The following SRBD1 variants were observed in gnomAD, a reference collection of about 807,000 sequenced individuals.
SRBD1 encodes S1 RNA binding domain 1.
A neutral mutation model predicts 115.3 loss-of-function variants in SRBD1; 88 were observed. The observed-to-expected ratio is 0.76, with a 90% confidence interval of 0.64 to 0.91. The LOEUF is 0.91. SRBD1 is among the 40% of genes least tolerant of loss of function. SRBD1 has a pLI of 0.00. For missense variants in SRBD1, 1,385 were observed against 1,177.4 expected, an observed-to-expected ratio of 1.18 and a Z score of -2.58; for synonymous variants, 509 against 407.7, an observed-to-expected ratio of 1.25 and a Z score of -2.99.
chr2:45,446,281 C>A (rs1668821623), intron 16 of SRBD1, among the ~76,000 whole-genome samples: 1 of 152,164 alleles, frequency 6.6e-6, no homozygotes. Context: ...AGCTGAGGTG[C>A]TGAATCAGGT....
chr2:45,394,282 AATTG>A (rs1558549189), intron 19 of SRBD1, among the ~76,000 whole-genome samples: 2 of 152,248 alleles, frequency 1.3e-5, no homozygotes, highest in African/African-American at 2.4e-5. Context: ...AGAAAAAAAG[AATTG>A]AAGGGTTAAG....
chr2:45,475,076 T>C (rs1669766327), intron 16 of SRBD1, among the ~76,000 whole-genome samples: 1 of 152,194 alleles, frequency 6.6e-6, no homozygotes, highest in Admixed American at 6.5e-5. Context: ...CTACTTGACA[T>C]CTTTCCTTGG....
At chr2:45,589,945 T>C (rs1364602651) in intron 4 of SRBD1, among the ~76,000 whole-genome samples, 2 of 152,180 alleles carry the variant, frequency 1.3e-5, no homozygotes, top group African/African-American at 4.8e-5. Context: ...CAGAAGTGTA[T>C]ATACATTGTT....
At chr2:45,432,501 A>G (rs1668370957) in intron 16 of SRBD1, among the ~76,000 whole-genome samples, 1 of 152,172 alleles carries the variant, frequency 6.6e-6, no homozygotes, top group Non-Finnish European at 1.5e-5. Context: ...AAGTTGGGCT[A>G]TGTGTTGAAA....
At chr2:45,571,761 CA>C (rs1386924137) in intron 9 of SRBD1, among the ~76,000 whole-genome samples, 3 of 151,494 alleles carry the variant, frequency 2.0e-5, no homozygotes, top group African/African-American at 4.9e-5. Context: ...AAAAATGTGC[CA>C]GGGGTTCAAC....
At chr2:45,564,032 T>C (rs1672750476) in intron 9 of SRBD1, among the ~76,000 whole-genome samples, 1 of 152,136 alleles carries the variant, frequency 6.6e-6, no homozygotes, top group Admixed American at 6.5e-5. Context: ...AATATAGATG[T>C]AAAAATCCTC....
At chr2:45,581,550 G>A (rs182971057) in intron 6 of SRBD1, 143 bp downstream of exon 6, 2 of 604,030 alleles carry the variant, frequency 3.3e-6, no homozygotes, top group African/African-American at 3.8e-5. Flanking sequence ...AATATTTATT[G>A]AATAAAGAAT....
At chr2:45,546,612 G>A (rs1487265932) in intron 14 of SRBD1, 120 bp downstream of exon 14, 1 of 968,020 alleles carries the variant, frequency 1.0e-6, no homozygotes, top group African/African-American at 1.6e-5. Flanking sequence ...TGAACACCAA[G>A]AGGTGGTCTG....
At chr2:45,417,430 T>C (rs923711008) in intron 18 of SRBD1, among the ~76,000 whole-genome samples, 3 of 152,232 alleles carry the variant, frequency 2.0e-5, no homozygotes, top group African/African-American at 7.2e-5. Flanking sequence ...ATTTCAGACC[T>C]TATTCTGTGC....
intron 16 of SRBD1, among the ~76,000 whole-genome samples, chr2:45,454,640 G>A (rs1669098516): frequency 6.6e-6 from 1 of 151,704 alleles, no homozygotes; most frequent in Non-Finnish European, 1.5e-5. Context: ...CTGCTTGCAG[G>A]TAAAAAATAA....
intron 14 of SRBD1, among the ~76,000 whole-genome samples, chr2:45,542,955 T>A (rs149118713): frequency 1.3e-5 from 2 of 152,344 alleles, no homozygotes; most frequent in African/African-American, 4.8e-5. Flanking sequence ...GATTATACAC[T>A]GTATGATTTC....
chr2:45,580,161 T>C (rs1490567608), intron 6 of SRBD1, 148 bp from the exon 7 acceptor site: 2 of 637,994 alleles, frequency 3.1e-6, no homozygotes, highest in Non-Finnish European at 4.8e-6. Flanking sequence ...TTAAAACTAA[T>C]TTGAAAATGC....
intron 14 of SRBD1, among the ~76,000 whole-genome samples, chr2:45,539,237 G>A (rs1450990055): frequency 6.7e-6 from 1 of 149,958 alleles, no homozygotes; most frequent in Non-Finnish European, 1.5e-5. Context: ...AAATTTTTTT[G>A]CTAAAAAAAA....
chr2:45,450,143 G>A (rs1384713664), intron 16 of SRBD1, among the ~76,000 whole-genome samples: 1 of 152,162 alleles, frequency 6.6e-6, no homozygotes, highest in Non-Finnish European at 1.5e-5. Context: ...TCTCGTGAGA[G>A]TGTTATATGG....
intron 16 of SRBD1, among the ~76,000 whole-genome samples, chr2:45,452,743 C>G (rs1391735873): frequency 6.6e-6 from 1 of 151,862 alleles, no homozygotes; most frequent in Admixed American, 6.6e-5. Context: ...TTCTTGTGTT[C>G]AAACAGCTGT....
chr2:45,412,309 T>C (rs868748693), intron 19 of SRBD1, among the ~76,000 whole-genome samples: 13 of 152,128 alleles, frequency 8.5e-5, no homozygotes, highest in African/African-American at 2.9e-4. Context: ...CAGGAACTAG[T>C]TGGATGTTCA....
intron 15 of SRBD1, among the ~76,000 whole-genome samples, chr2:45,485,712 T>C (rs1220761711): frequency 6.6e-6 from 1 of 152,210 alleles, no homozygotes; most frequent in African/African-American, 2.4e-5. Flanking sequence ...AGTTCTGTTA[T>C]ATTCTTATAC....
intron 18 of SRBD1, among the ~76,000 whole-genome samples, chr2:45,417,268 A>G (rs1401684699): frequency 6.6e-6 from 1 of 152,140 alleles, no homozygotes; most frequent in Non-Finnish European, 1.5e-5. Context: ...TTATCTGGGT[A>G]TAGGAGTGAG....
chr2:45,465,226 G>C (rs1369579930), intron 16 of SRBD1, among the ~76,000 whole-genome samples: 1 of 152,046 alleles, frequency 6.6e-6, no homozygotes, highest in Non-Finnish European at 1.5e-5. Context: ...ACGGTGTAAA[G>C]GCTATTTAAA....
Sources: gnomAD v4.1 joint callset for allele counts (sites outside exome capture counted in the v4.1 genomes callset) on GRCh38, gnomAD v4.1.1 for gene constraint, MANE v1.5 for transcripts, NCBI Gene and HGNC (gene_info 2026-07-23, HGNC 2026-07-21) for gene names.